The following RSRC1 variants were observed in gnomAD, a reference collection of about 807,000 sequenced individuals.
The protein encoded by RSRC1 is arginine and serine rich coiled-coil 1.
A neutral mutation model predicts 49.1 loss-of-function variants in RSRC1; 39 were observed. The ratio of observed to expected loss-of-function variants is 0.79; its 90% CI spans 0.61 to 1.04. RSRC1 has a LOEUF of 1.04. Among genes scored for constraint, RSRC1 ranks in the 50% least tolerant of loss-of-function variants. RSRC1 has a pLI of 0.00. For synonymous variants in RSRC1, 143 were observed against 130.8 expected, an observed-to-expected ratio of 1.09 and a Z score of -0.63; for missense variants, 388 against 402.4, an observed-to-expected ratio of 0.96 and a Z score of 0.31.
intron 7 of RSRC1, among the ~76,000 whole-genome samples, chr3:158,525,190 G>T (rs143449149): frequency 6.6e-6 from 1 of 151,868 alleles, no homozygotes; most frequent in African/African-American, 2.4e-5. Flanking sequence ...CTTCAATTCC[G>T]TATATATAAA....
intron 3 of RSRC1, among the ~76,000 whole-genome samples, chr3:158,180,399 T>C (rs1433840010): frequency 1.2e-4 from 11 of 93,662 alleles, no homozygotes; most frequent in African/African-American, 5.1e-4. Context: ...GGTTCTTTTT[T>C]TTTTTTTTTT....
chr3:158,387,111 A>T (rs138611916), intron 6 of RSRC1, among the ~76,000 whole-genome samples: 1 of 152,090 alleles, frequency 6.6e-6, no homozygotes, highest in African/African-American at 2.4e-5. Context: ...TTTTCCAGAT[A>T]TGACCTCTGA....
chr3:158,465,712 G>A (rs182177563), intron 7 of RSRC1, among the ~76,000 whole-genome samples: 1 of 151,988 alleles, frequency 6.6e-6, no homozygotes, highest in Non-Finnish European at 1.5e-5. Context: ...TTATTAGGTG[G>A]TTCCATTGTA....
At chr3:158,519,610 A>C (rs1711546854) in intron 7 of RSRC1, among the ~76,000 whole-genome samples, 1 of 152,160 alleles carries the variant, frequency 6.6e-6, no homozygotes, top group African/African-American at 2.4e-5. Context: ...TTGGTTAAAG[A>C]GTTTAGCAGG....
chr3:158,196,728 C>T (rs147776903), intron 3 of RSRC1, among the ~76,000 whole-genome samples: 1,778 of 152,090 alleles, frequency 0.012, 17 homozygotes, highest in Middle Eastern at 0.02. Flanking sequence ...TGAATTTTGT[C>T]GAAGGCCTTT....
At chr3:158,348,045 T>G (rs1444100428) in intron 5 of RSRC1, among the ~76,000 whole-genome samples, 1 of 152,226 alleles carries the variant, frequency 6.6e-6, no homozygotes, top group Non-Finnish European at 1.5e-5. Context: ...TTTAATTTTC[T>G]TTGTTACCCT....
At chr3:158,217,875 G>A (rs1193892027) in intron 4 of RSRC1, among the ~76,000 whole-genome samples, 1 of 151,518 alleles carries the variant, frequency 6.6e-6, no homozygotes, top group Non-Finnish European at 1.5e-5. Flanking sequence ...GGTGGGGACG[G>A]AGATGTATTT....
intron 4 of RSRC1, among the ~76,000 whole-genome samples, chr3:158,235,592 A>G (rs1183522282): frequency 2.0e-5 from 3 of 152,156 alleles, no homozygotes; most frequent in Admixed American, 2.0e-4. Flanking sequence ...GTTCATATAT[A>G]TTTTAAACTG....
chr3:158,524,007 C>T (rs1344910969), intron 7 of RSRC1, among the ~76,000 whole-genome samples: 1 of 152,048 alleles, frequency 6.6e-6, no homozygotes, highest in Non-Finnish European at 1.5e-5. Flanking sequence ...TCCTGGTTGC[C>T]ATTGCTTTGA....
At chr3:158,251,031 G>T (rs1429799799) in intron 4 of RSRC1, among the ~76,000 whole-genome samples, 1 of 152,120 alleles carries the variant, frequency 6.6e-6, no homozygotes, top group South Asian at 2.1e-4. Context: ...AGAAATAGGA[G>T]CCTAGTTTCA....
At chr3:158,439,557 C>T (rs997015090) in intron 6 of RSRC1, among the ~76,000 whole-genome samples, 5 of 152,056 alleles carry the variant, frequency 3.3e-5, no homozygotes, top group African/African-American at 9.7e-5. Context: ...AGGAAACTAT[C>T]GCAAGGACAG....
intron 5 of RSRC1, among the ~76,000 whole-genome samples, chr3:158,327,847 T>C (rs1237342722): frequency 3.3e-5 from 5 of 152,138 alleles, no homozygotes; most frequent in Non-Finnish European, 7.4e-5. Context: ...AAGTCTCCCA[T>C]TATTATTGTG....
chr3:158,415,490 C>T (rs1414485692), intron 6 of RSRC1, among the ~76,000 whole-genome samples: 1 of 151,582 alleles, frequency 6.6e-6, no homozygotes, highest in Non-Finnish European at 1.5e-5. Flanking sequence ...TACTGAGTGA[C>T]TTAATTACTC....
At chr3:158,398,069 A>G (rs1733704336) in intron 6 of RSRC1, among the ~76,000 whole-genome samples, 1 of 152,024 alleles carries the variant, frequency 6.6e-6, no homozygotes, top group Non-Finnish European at 1.5e-5. Flanking sequence ...TTAGACATAC[A>G]TTGAGACTTT....
At chr3:158,288,665 C>T (rs1327886197) in intron 4 of RSRC1, among the ~76,000 whole-genome samples, 2 of 152,032 alleles carry the variant, frequency 1.3e-5, no homozygotes, top group Non-Finnish European at 2.9e-5. Flanking sequence ...TCTTAAGTCC[C>T]TCATATAAAA....
chr3:158,499,514 A>G (rs1485291014), intron 7 of RSRC1, among the ~76,000 whole-genome samples: 2 of 151,994 alleles, frequency 1.3e-5, no homozygotes, highest in Non-Finnish European at 2.9e-5. Context: ...CATCCATGGT[A>G]TGGGATGTGT....
At chr3:158,430,926 G>T (rs1415884192) in intron 6 of RSRC1, among the ~76,000 whole-genome samples, 3 of 151,898 alleles carry the variant, frequency 2.0e-5, no homozygotes, top group Non-Finnish European at 4.4e-5. Flanking sequence ...TCAAAAAATG[G>T]TTCTATAGTC....
chr3:158,288,848 CCA>C (rs1300069550), intron 4 of RSRC1, among the ~76,000 whole-genome samples: 4 of 108,814 alleles, frequency 3.7e-5, no homozygotes, highest in African/African-American at 1.4e-4. Flanking sequence ...CCCCCCCCCC[CCA>C]AATATTTTTG....
chr3:158,285,610 C>T (rs1314034040), intron 4 of RSRC1, among the ~76,000 whole-genome samples: 3 of 152,046 alleles, frequency 2.0e-5, no homozygotes, highest in South Asian at 2.1e-4. Flanking sequence ...TCCTTCACAT[C>T]CCTTGTAAGT....
Sources: allele counts gnomAD v4.1 joint callset (sites outside exome capture counted in the v4.1 genomes callset), GRCh38; gene constraint gnomAD v4.1.1; transcripts MANE v1.5; gene names NCBI Gene and HGNC (gene_info 2026-07-23, HGNC 2026-07-21).